Variants in NEGR1 observed in about 807,000 individuals in gnomAD.
The protein encoded by NEGR1 is IgLON family member 4.
Under a neutral mutation model 40.9 loss-of-function variants are expected in NEGR1, and 10 were observed. The observed-to-expected ratio is 0.24, with a 90% CI of 0.15 to 0.42. NEGR1 has a LOEUF of 0.42. Ranked by LOEUF, NEGR1 falls within the 10% of genes least tolerant of loss-of-function variation. The pLI, the probability that NEGR1 is intolerant of heterozygous loss-of-function variation, is 1.00. For synonymous variants in NEGR1, 185 were observed against 166.8 expected (o/e 1.11, Z -0.84); for missense variants, 352 against 438.9 (o/e 0.80, Z 1.77).
intron 6 of NEGR1, among the ~76,000 whole-genome samples, chr1:71,451,740 C>T (rs1405740953): frequency 2.6e-5 from 4 of 152,112 alleles, no homozygotes; most frequent in African/African-American, 4.8e-5. Context: ...GATTATGCTA[C>T]CAGTTTTATA....
intron 3 of NEGR1, among the ~76,000 whole-genome samples, chr1:71,764,827 G>A (rs576028793): frequency 4.6e-5 from 7 of 152,184 alleles, no homozygotes; most frequent in Non-Finnish European, 1.0e-4. Context: ...TTGATAATGG[G>A]TGCCTCATGA....
At chr1:72,102,628 T>C (rs1349230944) in intron 1 of NEGR1, among the ~76,000 whole-genome samples, 1 of 152,090 alleles carries the variant, frequency 6.6e-6, no homozygotes, top group African/African-American at 2.4e-5. Flanking sequence ...TTTTGCTATC[T>C]GCATACTTAC....
chr1:71,950,919 T>C (rs1376995193), intron 1 of NEGR1, among the ~76,000 whole-genome samples: 1 of 151,982 alleles, frequency 6.6e-6, no homozygotes, highest in Non-Finnish European at 1.5e-5. Context: ...TCTCTAATTA[T>C]GAACCTTTGA....
chr1:72,093,599 C>T (rs1023222149), intron 1 of NEGR1, among the ~76,000 whole-genome samples: 18 of 152,108 alleles, frequency 1.2e-4, no homozygotes, highest in African/African-American at 4.3e-4. Context: ...CATATCAAAA[C>T]CTAATGAGAT....
At position 71,776,966 on chromosome 1, in the gene NEGR1, T is replaced by C. The variant is rs117758148; in HGVS notation, c.410-669A>G. Among the ~76,000 whole-genome samples, 46 of 152,264 alleles carry C rather than the reference T, an allele frequency of 3.0e-4. No individual in the cohort carries two copies. The East Asian group carries it at 8.3e-3, about 28-fold the overall frequency. Reference sequence around the variant, plus strand: ...CTTCAGGACTTCTCATCCTTTGTTATGCCCTTTTGCACTGTAAATCCATAA... The same window carrying C: ...CTTCAGGACTTCTCATCCTTTGTTACGCCCTTTTGCACTGTAAATCCATAA... On this transcript the variant is annotated intron_variant, in intron 2 of 6. Transcript: ENST00000357731.
intron 1 of NEGR1, among the ~76,000 whole-genome samples, chr1:72,026,110 C>CAAAAAAAAAAAAA (rs1172589239): frequency 1.6e-4 from 5 of 31,146 alleles, no homozygotes; most frequent in Non-Finnish European, 2.6e-4. Context: ...GACTCCGTCT[C>CAAAAAAAAAAAAA]AAAAAAAAAA....
intron 6 of NEGR1, among the ~76,000 whole-genome samples, chr1:71,456,632 G>A (rs1286242250): frequency 6.6e-6 from 1 of 152,198 alleles, no homozygotes; most frequent in Non-Finnish European, 1.5e-5. Flanking sequence ...ATACTTGTAG[G>A]AGAGTTCTTA....
At chr1:71,987,264 T>G (rs538290178) in intron 1 of NEGR1, among the ~76,000 whole-genome samples, 2 of 152,270 alleles carry the variant, frequency 1.3e-5, no homozygotes, top group South Asian at 2.1e-4. Context: ...GATGTAGGAA[T>G]AGCAAGTAGT....
chr1:71,623,215 C>T (rs1650663558), intron 4 of NEGR1, among the ~76,000 whole-genome samples: 1 of 151,746 alleles, frequency 6.6e-6, no homozygotes. Flanking sequence ...CTCAACCCCG[C>T]CTTCAGTTAC....
At chr1:71,798,892 T>TG (rs1657440561) in intron 2 of NEGR1, among the ~76,000 whole-genome samples, 1 of 152,176 alleles carries the variant, frequency 6.6e-6, no homozygotes, top group Non-Finnish European at 1.5e-5. Flanking sequence ...ATTCAAAGAC[T>TG]GGGGTGTAAA....
intron 1 of NEGR1, among the ~76,000 whole-genome samples, chr1:72,134,965 G>A (rs746502345): frequency 2.0e-5 from 3 of 150,812 alleles, no homozygotes; most frequent in African/African-American, 4.9e-5. Context: ...TTGAACTCCC[G>A]ACCTCTGGTA....
intron 1 of NEGR1, among the ~76,000 whole-genome samples, chr1:72,040,191 A>G (rs1422040190): frequency 1.3e-5 from 2 of 151,956 alleles, no homozygotes; most frequent in Admixed American, 1.3e-4. Flanking sequence ...GAGTTTCTTG[A>G]TGGCAAAGCT....
At chr1:71,427,267 T>C (rs938505917) in intron 6 of NEGR1, among the ~76,000 whole-genome samples, 8 of 152,186 alleles carry the variant, frequency 5.3e-5, no homozygotes, top group African/African-American at 1.7e-4. Context: ...AAGACAAACC[T>C]GTGATCCAGA....
chr1:71,895,513 C>T (rs920203178), intron 2 of NEGR1, among the ~76,000 whole-genome samples: 3 of 152,132 alleles, frequency 2.0e-5, no homozygotes, highest in South Asian at 2.1e-4. Context: ...TATAGATTAT[C>T]TTATTGTAGA....
intron 2 of NEGR1, among the ~76,000 whole-genome samples, chr1:71,811,169 C>T (rs143303595): frequency 3.9e-5 from 6 of 152,034 alleles, no homozygotes; most frequent in African/African-American, 1.4e-4. Context: ...CTAAATCCTT[C>T]GGGGAACTGT....
intron 2 of NEGR1, among the ~76,000 whole-genome samples, chr1:71,799,605 T>C (rs1657479842): frequency 6.6e-6 from 1 of 152,178 alleles, no homozygotes; most frequent in African/African-American, 2.4e-5. Context: ...TTCTAGATCC[T>C]TGAGAAATTG....
intron 2 of NEGR1, among the ~76,000 whole-genome samples, chr1:71,776,713 A>G (rs1302321367): frequency 6.6e-6 from 1 of 152,174 alleles, no homozygotes; most frequent in Non-Finnish European, 1.5e-5. Flanking sequence ...GGTTATTCCT[A>G]CATACTGATT....
chr1:71,673,789 C>A (rs560567818), intron 4 of NEGR1, among the ~76,000 whole-genome samples: 1 of 70,810 alleles, frequency 1.4e-5, no homozygotes, highest in Non-Finnish European at 2.9e-5. Flanking sequence ...GCATTTATTT[C>A]CATTAATGAT....
At chr1:71,426,065 T>C (rs1306347199) in intron 6 of NEGR1, among the ~76,000 whole-genome samples, 2 of 152,206 alleles carry the variant, frequency 1.3e-5, no homozygotes, top group Non-Finnish European at 2.9e-5. Context: ...TATGCATACA[T>C]ACACAGTGCA....
Sources: allele counts gnomAD v4.1 joint callset (sites outside exome capture counted in the v4.1 genomes callset), GRCh38; gene constraint gnomAD v4.1.1; transcripts MANE v1.5; gene names NCBI Gene and HGNC (gene_info 2026-07-23, HGNC 2026-07-21).